ART1: variants seen among roughly 807,000 people sequenced by gnomAD.
ART1 encodes GPI-linked NAD(P)(+)--arginine ADP-ribosyltransferase 1.
In ART1, 29 loss-of-function variants were observed where a neutral mutation model predicts 27.0. The ratio of observed to expected loss-of-function variants is 1.08; its 90% CI spans 0.80 to 1.47. The LOEUF (loss-of-function observed/expected upper bound fraction) is 1.47. Among genes scored for constraint, ART1 ranks in the 40% most tolerant of loss-of-function variants. ART1 has a pLI of 0.00. For synonymous variants in ART1, 201 were observed against 172.2 expected (o/e 1.17, Z -1.31); for missense variants, 480 against 423.0 (o/e 1.13, Z -1.18).
chr11:3,664,220 G>C lies in ART1; in HGVS notation c.*31G>C. On this transcript the variant is annotated 3_prime_UTR_variant, in exon 5 of 5. Transcript: ENST00000250693. Reference sequence around the variant, plus strand: ...GAGACACGGGACAGCCTCGCCTGCTGCCTCTGCCCATCCTGAGGATGTTGG... The same window carrying C: ...GAGACACGGGACAGCCTCGCCTGCTCCCTCTGCCCATCCTGAGGATGTTGG... 1 of 1,599,426 alleles carries C rather than the reference G, an allele frequency of 6.3e-7. No homozygotes were observed. Among genetic ancestry groups the C allele is most frequent in the South Asian group, 1.1e-5 (1 of 90,662 alleles).
intron 4 of ART1, among the ~76,000 whole-genome samples, chr11:3,662,107 C>G (rs911140889): frequency 1.3e-5 from 2 of 152,368 alleles, no homozygotes; most frequent in African/African-American, 4.8e-5. Flanking sequence ...TTACTGCCCT[C>G]AGGGCTCCCT....
chr11:3,662,811 T>A (rs1377936574), intron 4 of ART1, among the ~76,000 whole-genome samples: 1 of 152,120 alleles, frequency 6.6e-6, no homozygotes, highest in East Asian at 1.9e-4. Flanking sequence ...GCCATTGCAC[T>A]CCAGCCTGGG....
rs1486675848 is a variant in ART1 at position 3,660,431 on chromosome 11, G to C, written c.844+68G>C. The C allele has an allele frequency of 4.0e-6, 6 of 1,514,088 alleles. No homozygotes were observed. The East Asian group carries it at 1.4e-4, about 34-fold the overall frequency. 93.8% of individuals were successfully genotyped at this position (1,514,088 alleles called of 1,614,324 possible). A position where few individuals can be genotyped will look rare whatever the true frequency, so the allele number is the denominator to read the frequency against. ...CCTTCCACATCCACCAGGGACTTTG[G>C]CAAACCGAAGCCCCTATCTCCTGTG... On this transcript the variant is annotated intron_variant, in intron 3 of 4. Coordinates refer to ENST00000250693, the MANE Select transcript of ART1 (RefSeq NM_004314.3).
intron 2 of ART1, 152 bp downstream of exon 2, chr11:3,659,428 T>G: frequency 2.2e-6 from 3 of 1,389,112 alleles, no homozygotes; most frequent in Non-Finnish European, 3.0e-6. Context: ...ATGCTAGTCT[T>G]GGGGAAATTA....
rs530856927 is a variant in ART1 at position 3,661,490 on chromosome 11, C to CTTTTTT, written c.886+93_886+98dup. On this transcript the variant is annotated intron_variant, in intron 4 of 4. Transcript: ENST00000250693. Reference sequence around the variant, plus strand: ...CTGGGGTTGGCCCCATCACCTCGATCTTTTTTTTTTTTTTTTTTTTTGAGA... The same window carrying CTTTTTT: ...CTGGGGTTGGCCCCATCACCTCGATCTTTTTTTTTTTTTTTTTTTTTTTTTTTGAGA... 4.0e-3 allele frequency: 1,281 copies of CTTTTTT among 319,852 alleles called. 8 individuals carry two copies. The highest frequency in any genetic ancestry group is 5.5e-3 in the Admixed American group (76 of 13,718). The allele number at this position is 319,852 out of a possible 1,614,324, so 19.8% of individuals were successfully genotyped here. A position where few individuals can be genotyped will look rare whatever the true frequency, so the allele number is the denominator to read the frequency against.
chr11:3,663,144 C>CTCATCTCAT (rs1554883234), intron 4 of ART1, among the ~76,000 whole-genome samples: 1 of 126,066 alleles, frequency 7.9e-6, no homozygotes, highest in Non-Finnish European at 1.7e-5. Context: ...CTCATCTCAT[C>CTCATCTCAT]ATCATCTCAT....
intron 1 of ART1, among the ~76,000 whole-genome samples, chr11:3,652,846 G>A (rs887242869): frequency 6.0e-5 from 9 of 150,792 alleles, no homozygotes; most frequent in Non-Finnish European, 1.0e-4. Context: ...AATAATCTTT[G>A]CTGGCAGGAC....
At chr11:3,652,463 A>G (rs2133951952) in intron 1 of ART1, among the ~76,000 whole-genome samples, 1 of 151,948 alleles carries the variant, frequency 6.6e-6, no homozygotes, top group Admixed American at 6.5e-5. Context: ...AGGTCTTTTA[A>G]AAACACACCT....
In ART1 at chr11:3,650,216, C is replaced by T. The variant is rs531710919; in HGVS notation, c.-53+5037C>T. Among the ~76,000 whole-genome samples the T allele has an allele frequency of 4.6e-3, 696 of 152,286 alleles. 4 individuals are homozygous for T. The highest frequency in any genetic ancestry group is 0.014 in the African/African-American group (598 of 41,556). On this transcript the variant is annotated intron_variant, in intron 1 of 4. Transcript: ENST00000250693. ...TCCCCCAGGAGCTTGCTACAAGTGCCGGAAATCTGGCCACTGGGCCAAGGA... is the reference window on the plus strand; with the variant it reads ...TCCCCCAGGAGCTTGCTACAAGTGCTGGAAATCTGGCCACTGGGCCAAGGA...
intron 1 of ART1, among the ~76,000 whole-genome samples, chr11:3,653,354 T>A (rs997252947): frequency 1.3e-5 from 2 of 148,388 alleles, no homozygotes; most frequent in African/African-American, 5.2e-5. Context: ...GGCCGGTTCC[T>A]GCCTTAACTG....
rs753860368 is a variant in ART1 at position 3,664,186 on chromosome 11, T to C, written c.981T>C (p.Leu327=). 13 of 1,613,598 alleles carry C rather than the reference T, an allele frequency of 8.1e-6. No homozygotes were observed. Among genetic ancestry groups the C allele is most frequent in the South Asian group, 6.6e-5 (6 of 91,084 alleles). ...VRAFPDGPGL[L] is the part of the protein sequence containing the mutation. ...CCTTTCCAGATGGTCCAGGCCTCCTTTGATGCATGAGACACGGGACAGCCT... is the reference window on the plus strand; with the variant it reads ...CCTTTCCAGATGGTCCAGGCCTCCTCTGATGCATGAGACACGGGACAGCCT... The change falls in exon 5 of 5, where the codon CTT becomes CTC. Residue 327 remains leucine (L), a synonymous_variant. Coordinates refer to ENST00000250693, the MANE Select transcript of ART1 (RefSeq NM_004314.3).
chr11:3,664,292 C>T lies in ART1; in HGVS notation c.*103C>T. Reference sequence around the variant, plus strand: ...CCAAGATTCCTGTCAATCCCATCTGCAGGGAACTCTGGGACCTTCTCTGGT... The same window carrying T: ...CCAAGATTCCTGTCAATCCCATCTGTAGGGAACTCTGGGACCTTCTCTGGT... On this transcript the variant is annotated 3_prime_UTR_variant, in exon 5 of 5. Coordinates refer to ENST00000250693, the MANE Select transcript of ART1 (RefSeq NM_004314.3). 1.7e-6 allele frequency: 2 copies of T among 1,151,610 alleles called. No homozygotes were observed. The highest frequency in any genetic ancestry group is 2.5e-6 in the Non-Finnish European group (2 of 789,406). The allele number at this position is 1,151,610 out of a possible 1,614,324, so 71.3% of individuals were successfully genotyped here.
chr11:3,655,253 A>G (rs1222130697), intron 1 of ART1, among the ~76,000 whole-genome samples: 1 of 152,230 alleles, frequency 6.6e-6, no homozygotes, highest in African/African-American at 2.4e-5. Context: ...GCAGACCCAC[A>G]GACAAGTACA....
chr11:3,659,459 C>T, intron 2 of ART1, 124 bp from the exon 3 acceptor site: 8 of 1,368,110 alleles, frequency 5.8e-6, no homozygotes, highest in Non-Finnish European at 6.9e-6. Context: ...TTCCCAATCC[C>T]CTTCCCCACC....
chr11:3,649,514 G>C (rs1474708452), intron 1 of ART1, among the ~76,000 whole-genome samples: 2 of 152,098 alleles, frequency 1.3e-5, no homozygotes, highest in African/African-American at 4.8e-5. Flanking sequence ...CCAACCCCAA[G>C]TGTCGCTGAG....
intron 2 of ART1, 66 bp from the exon 3 acceptor site, chr11:3,659,517 G>T: frequency 6.6e-7 from 1 of 1,507,842 alleles, no homozygotes; most frequent in South Asian, 1.3e-5. Flanking sequence ...GGGGAGAGCT[G>T]GATGGCAGGG....
intron 1 of ART1, among the ~76,000 whole-genome samples, chr11:3,649,198 A>T (rs57379184): frequency 0.18 from 27,809 of 151,926 alleles, 2,643 homozygotes; most frequent in African/African-American, 0.23. Context: ...CGTCTCCCTT[A>T]GCCTGTGCTC....
At chr11:3,653,561 C>A (rs1010893676) in intron 1 of ART1, among the ~76,000 whole-genome samples, 1 of 152,108 alleles carries the variant, frequency 6.6e-6, no homozygotes, top group Admixed American at 6.5e-5. Flanking sequence ...ACTCAGTCCA[C>A]CTGCACTCAG....
intron 1 of ART1, among the ~76,000 whole-genome samples, chr11:3,657,207 C>T (rs993076368): frequency 6.6e-6 from 1 of 152,176 alleles, no homozygotes; most frequent in Non-Finnish European, 1.5e-5. Flanking sequence ...TATTCATTTT[C>T]TGAAGGGAGG....
Sources: allele counts gnomAD v4.1 joint callset (sites outside exome capture counted in the v4.1 genomes callset), GRCh38; gene constraint gnomAD v4.1.1; transcripts MANE v1.5; gene names NCBI Gene and HGNC (gene_info 2026-07-23, HGNC 2026-07-21).